The following CDK14 variants were observed in gnomAD, a reference collection of about 807,000 sequenced individuals.
CDK14 encodes the protein cyclin-dependent kinase 14.
Under a neutral mutation model 60.7 loss-of-function variants are expected in CDK14, and 34 were observed. The observed-to-expected ratio is 0.56, with a 90% CI of 0.43 to 0.75. The LOEUF is 0.75. Ranked by LOEUF, CDK14 falls within the 30% of genes least tolerant of loss-of-function variation. The pLI is 0.00. For missense variants in CDK14, 482 were observed against 564.1 expected (o/e 0.85, Z 1.47); for synonymous variants, 197 against 203.7 (o/e 0.97, Z 0.28).
chr7:90,597,742 A>C (rs990930351), intron 1 of CDK14, among the ~76,000 whole-genome samples: 9 of 152,170 alleles, frequency 5.9e-5, no homozygotes, highest in Non-Finnish European at 1.3e-4. Flanking sequence ...TGGGATGCAC[A>C]TGAGTGTTAC....
chr7:90,854,126 T>C (rs530068623), intron 5 of CDK14, among the ~76,000 whole-genome samples: 1 of 152,320 alleles, frequency 6.6e-6, no homozygotes, highest in South Asian at 2.1e-4. Flanking sequence ...TAAACTTATC[T>C]GTAGAAGATA....
intron 10 of CDK14, among the ~76,000 whole-genome samples, chr7:91,020,045 AGCAG>A (rs1203274367): frequency 2.6e-5 from 4 of 152,226 alleles, no homozygotes; most frequent in African/African-American, 9.6e-5. Flanking sequence ...CCCTTGGACC[AGCAG>A]GCTAATCAGG....
chr7:91,027,342 C>A (rs1584244183), intron 10 of CDK14, among the ~76,000 whole-genome samples: 1 of 152,162 alleles, frequency 6.6e-6, no homozygotes, highest in South Asian at 2.1e-4. Flanking sequence ...CTGACAATTA[C>A]CCCATATCTC....
At chr7:90,785,276 C>T (rs960772370) in intron 4 of CDK14, among the ~76,000 whole-genome samples, 8 of 152,146 alleles carry the variant, frequency 5.3e-5, no homozygotes, top group Non-Finnish European at 8.8e-5. Context: ...AGAGATGACA[C>T]AGATAATATT....
At chr7:90,851,497 G>A (rs1584044787) in intron 5 of CDK14, among the ~76,000 whole-genome samples, 1 of 152,158 alleles carries the variant, frequency 6.6e-6, no homozygotes, top group African/African-American at 2.4e-5. Flanking sequence ...GCTCTCAGGA[G>A]CTGCCTGTCT....
intron 8 of CDK14, among the ~76,000 whole-genome samples, chr7:90,946,748 C>T (rs907990266): frequency 5.3e-5 from 8 of 152,166 alleles, no homozygotes; most frequent in African/African-American, 1.9e-4. Context: ...TTTAGATTGG[C>T]TTTGACCACA....
chr7:91,029,973 G>A (rs1796714085), intron 10 of CDK14, among the ~76,000 whole-genome samples: 4 of 152,176 alleles, frequency 2.6e-5, no homozygotes, highest in Admixed American at 2.6e-4. Context: ...AAGTAGGCTT[G>A]TAGGGCCTTG....
chr7:91,019,155 A>G (rs1796376811), intron 10 of CDK14, among the ~76,000 whole-genome samples: 2 of 152,334 alleles, frequency 1.3e-5, no homozygotes, highest in South Asian at 4.1e-4. Context: ...ACTCCAATAA[A>G]TAAGAAGAAT....
In CDK14 at chr7:90,783,269, A is replaced by G. The variant is rs778468268; in HGVS notation, c.465-7304A>G. Among the ~76,000 whole-genome samples, 24 of 152,248 alleles carry G rather than the reference A, an allele frequency of 1.6e-4. No homozygotes were observed. The Middle Eastern group carries it at 0.014, about 86-fold the overall frequency. On this transcript the variant is annotated intron_variant, in intron 4 of 14. Transcript: ENST00000380050. ...TAAATCTTTTTGCATTGTTAGTCAC[A>G]TCCTAATAAATAGCTGTTATACTAT...
intron 14 of CDK14, among the ~76,000 whole-genome samples, chr7:91,147,166 A>T (rs201639225): frequency 0.73 from 65,207 of 89,696 alleles, 22,670 homozygotes; most frequent in East Asian, 0.86. Context: ...TCTCTCTCAC[A>T]CACACACACA....
chr7:90,953,092 A>G (rs1323250312), intron 8 of CDK14, among the ~76,000 whole-genome samples: 1 of 151,210 alleles, frequency 6.6e-6, no homozygotes, highest in African/African-American at 2.4e-5. Context: ...CCCTTCCTGA[A>G]AAGTTTTGGG....
intron 2 of CDK14, among the ~76,000 whole-genome samples, chr7:90,662,370 C>T (rs900650878): frequency 2.0e-5 from 3 of 152,236 alleles, no homozygotes; most frequent in Admixed American, 2.0e-4. Flanking sequence ...TCCTGCTTTG[C>T]TCTCTTGCTC....
intron 2 of CDK14, among the ~76,000 whole-genome samples, chr7:90,681,250 G>A (rs926925765): frequency 1.3e-5 from 2 of 152,286 alleles, no homozygotes; most frequent in African/African-American, 4.8e-5. Flanking sequence ...GGAAAACAGG[G>A]AGGCTCTTAA....
chr7:91,044,095 T>A (rs1302212300), intron 10 of CDK14, among the ~76,000 whole-genome samples: 1 of 152,210 alleles, frequency 6.6e-6, no homozygotes, highest in Non-Finnish European at 1.5e-5. Context: ...CAATGGCCCA[T>A]GACACAGCCC....
At chr7:90,809,650 C>CA (rs1166089302) in intron 5 of CDK14, among the ~76,000 whole-genome samples, 9 of 151,950 alleles carry the variant, frequency 5.9e-5, no homozygotes, top group South Asian at 2.1e-4. Flanking sequence ...AATAGAGACA[C>CA]AAAAAACCCT....
chr7:90,639,426 G>T (rs1800258192), intron 2 of CDK14, among the ~76,000 whole-genome samples: 1 of 152,110 alleles, frequency 6.6e-6, no homozygotes, highest in Non-Finnish European at 1.5e-5. Context: ...ATCAGCAGTG[G>T]TGTCTGCAGA....
In CDK14 at chr7:90,649,338, T is replaced by G. The variant is rs968423732; in HGVS notation, c.123+45089T>G. ...CTTCCTTCCTTCCTTCCTTCCTTCCTTCCTTCCTTCCTTCCTTCCTTCCTT... is the reference window on the plus strand; with the variant it reads ...CTTCCTTCCTTCCTTCCTTCCTTCCGTCCTTCCTTCCTTCCTTCCTTCCTT... On this transcript the variant is annotated intron_variant, in intron 2 of 14. Coordinates refer to ENST00000380050, the MANE Select transcript of CDK14 (RefSeq NM_001287135.2). Among the ~76,000 whole-genome samples the G allele has an allele frequency of 1.3e-3, 66 of 49,488 alleles. 2 individuals carry two copies. Among genetic ancestry groups the G allele is most frequent in the African/African-American group, 6.4e-3 (55 of 8,558 alleles). 32.5% of individuals were successfully genotyped at this position (49,488 alleles called of 152,430 possible).
intron 3 of CDK14, among the ~76,000 whole-genome samples, chr7:90,732,207 A>G (rs60319325): frequency 0.098 from 14,878 of 152,146 alleles, 800 homozygotes; most frequent in Non-Finnish European, 0.12. Context: ...ATCATGGTGG[A>G]TAAGCTTTTT....
intron 2 of CDK14, among the ~76,000 whole-genome samples, chr7:90,693,295 G>A (rs558185037): frequency 6.3e-4 from 96 of 152,232 alleles, no homozygotes; most frequent in Non-Finnish European, 1.1e-3. Flanking sequence ...AACAGAAGTT[G>A]TATAAGCTGA....
Sources: allele counts gnomAD v4.1 joint callset (sites outside exome capture counted in the v4.1 genomes callset), GRCh38; gene constraint gnomAD v4.1.1; transcripts MANE v1.5; gene names NCBI Gene and HGNC (gene_info 2026-07-23, HGNC 2026-07-21).